NIBAN2: variants seen among roughly 807,000 people sequenced by gnomAD.
NIBAN2 encodes the protein protein Niban 2.
In NIBAN2, 36 loss-of-function variants were observed where a neutral mutation model predicts 81.8. The ratio of observed to expected loss-of-function variants is 0.44; its 90% CI spans 0.34 to 0.58. NIBAN2 has a LOEUF of 0.58. Among genes scored for constraint, NIBAN2 ranks in the 20% least tolerant of loss-of-function variants. NIBAN2 has a pLI of 0.02. For synonymous variants in NIBAN2, 445 were observed against 441.6 expected (o/e 1.01, Z -0.10); for missense variants, 897 against 1,014.1 (o/e 0.88, Z 1.57).
intron 8 of NIBAN2, among the ~76,000 whole-genome samples, chr9:127,515,197 G>A (rs1836802006): frequency 6.6e-6 from 1 of 152,054 alleles, no homozygotes; most frequent in South Asian, 2.1e-4. Context: ...TCTCTACCTG[G>A]AAGACAGAGC....
chr9:127,530,861 G>T (rs1350237979), intron 2 of NIBAN2, among the ~76,000 whole-genome samples: 1 of 152,054 alleles, frequency 6.6e-6, no homozygotes, highest in South Asian at 2.1e-4. Context: ...TCAACAACAC[G>T]ACCTGGGTTA....
In NIBAN2 at chr9:127,514,892, G is replaced by A. The variant is rs530627677; in HGVS notation, c.973+1965C>T. 4.9e-4 allele frequency among the ~76,000 whole-genome samples: 74 copies of A among 152,272 alleles called. 1 individual carries two copies. The highest frequency in any genetic ancestry group is 1.2e-3 in the African/African-American group (48 of 41,544). The stretch of plus-strand genomic sequence containing the variant: ...GAATAACCTACAGGAGACCAGGCAC[G>A]GCCACTCATGCCTGTAATCCCAGTG... On this transcript the variant is annotated intron_variant, in intron 8 of 13. Coordinates refer to ENST00000373312, the MANE Select transcript of NIBAN2 (RefSeq NM_022833.4).
intron 1 of NIBAN2, among the ~76,000 whole-genome samples, chr9:127,546,853 A>G (rs554909903): frequency 6.6e-6 from 1 of 151,990 alleles, no homozygotes; most frequent in South Asian, 2.1e-4. Flanking sequence ...AGGAGCCCCA[A>G]CTGGGAGAAG....
In NIBAN2 at chr9:127,507,363, C is replaced by T. The variant is rs947716661; in HGVS notation, c.1723G>A (p.Asp575Asn). ...TCGGCCAGCAGGTGCAGGTTGGGGT[C>T]GCTGTTGTGCATGACCATGCTGTCC... is the stretch of plus-strand genomic sequence containing the variant. Reference protein sequence around the residue: ...YRDSMVMHNSDPNLHLLAEGA... With the variant: ...YRDSMVMHNSNPNLHLLAEGA... The change falls in exon 14 of 14, where the codon GAC (aspartate) becomes AAC (asparagine). Residue 575 changes from aspartate to asparagine, a missense_variant. Transcript: ENST00000373312. This position sits in a 1 kb window ranked among gnomAD's most constrained non-coding sequence, Gnocchi z 6.8. 8 of 1,535,960 alleles carry T rather than the reference C, an allele frequency of 5.2e-6. No homozygotes were observed. The East Asian group carries it at 1.1e-4, about 22-fold the overall frequency.
At position 127,508,463 on chromosome 9, in the gene NIBAN2, G is replaced by A. The variant is rs764925522; in HGVS notation, c.1393C>T (p.Leu465=). 1.9e-6 allele frequency: 3 copies of A among 1,613,606 alleles called. No homozygotes were observed. The highest frequency in any genetic ancestry group is 1.7e-6 in the Non-Finnish European group (2 of 1,179,988). The part of the protein sequence containing the change: ...ELGKGPTKEE[L]CKSIQRVLER... ...AGGACCCGCTGGATGGACTTGCACA[G>A]CTCCTCCTTGGTGGGCCCCTTCCCC... The change falls in exon 11 of 14, where the codon CTG becomes TTG. Residue 465 remains leucine (L), a synonymous_variant. Coordinates refer to ENST00000373312, the MANE Select transcript of NIBAN2 (RefSeq NM_022833.4). The surrounding 1 kb of genome is among the most constrained non-coding windows in gnomAD (Gnocchi z 6.4).
chr9:127,509,267 C>T (rs1056709620), intron 9 of NIBAN2, 136 bp from the exon 10 acceptor site: 1 of 805,784 alleles, frequency 1.2e-6, no homozygotes, highest in Admixed American at 2.9e-5. Flanking sequence ...ACCTGGTGCT[C>T]ATGGCCACAA....
At chr9:127,531,063 C>A (rs1337953006) in intron 2 of NIBAN2, among the ~76,000 whole-genome samples, 1 of 151,682 alleles carries the variant, frequency 6.6e-6, no homozygotes, top group Admixed American at 6.6e-5. Context: ...ACCTGTAGTC[C>A]CAGTAACTGG....
chr9:127,526,408 A>AG (rs1183698873), intron 3 of NIBAN2, among the ~76,000 whole-genome samples: 2 of 151,174 alleles, frequency 1.3e-5, no homozygotes, highest in Non-Finnish European at 3.0e-5. Flanking sequence ...CAAAAAAAAA[A>AG]AAAAAAAGAA....
intron 9 of NIBAN2, 64 bp downstream of exon 9, chr9:127,510,082 G>C: frequency 6.9e-7 from 1 of 1,452,560 alleles, no homozygotes; most frequent in Non-Finnish European, 9.3e-7. Flanking sequence ...CGCAGCCGGG[G>C]CCCTCTGGGA....
chr9:127,557,653 CT>C (rs773895291), intron 1 of NIBAN2, among the ~76,000 whole-genome samples: 2 of 152,250 alleles, frequency 1.3e-5, no homozygotes, highest in African/African-American at 4.8e-5. Context: ...GCTGGGCAGC[CT>C]GCTAAAGTCA....
At chr9:127,546,752 C>T (rs1837478735) in intron 1 of NIBAN2, among the ~76,000 whole-genome samples, 1 of 152,108 alleles carries the variant, frequency 6.6e-6, no homozygotes, top group African/African-American at 2.4e-5. Flanking sequence ...ATGTTGCTCT[C>T]ACTCATTCAT....
At position 127,506,596 on chromosome 9, in the gene NIBAN2, C is replaced by A. The variant is rs1469280018; in HGVS notation, c.*249G>T. The A allele has an allele frequency of 4.9e-6, 2 of 411,402 alleles. No homozygotes were observed. Among genetic ancestry groups the A allele is most frequent in the Non-Finnish European group, 8.6e-6 (2 of 232,664 alleles). The allele number at this position is 411,402 out of a possible 1,614,324, so 25.5% of individuals were successfully genotyped here. A position where few individuals can be genotyped will look rare whatever the true frequency, so the allele number is the denominator to read the frequency against. ...CCCCAGCAGTGTCCAGCCCTTGGCACAAGCAGGAAAACCCCAAAACCAGCC... is the reference window on the plus strand; with the variant it reads ...CCCCAGCAGTGTCCAGCCCTTGGCAAAAGCAGGAAAACCCCAAAACCAGCC... On this transcript the variant is annotated 3_prime_UTR_variant, in exon 14 of 14. Transcript: ENST00000373312.
chr9:127,575,778 C>A (rs893184085), intron 1 of NIBAN2, among the ~76,000 whole-genome samples: 3 of 152,128 alleles, frequency 2.0e-5, no homozygotes, highest in Non-Finnish European at 4.4e-5. Context: ...GATCCGCCCG[C>A]CTTGGCTCCC....
intron 8 of NIBAN2, among the ~76,000 whole-genome samples, chr9:127,512,187 C>T (rs1836749652): frequency 6.6e-6 from 1 of 152,156 alleles, no homozygotes; most frequent in Non-Finnish European, 1.5e-5. Context: ...CTATTTGTCT[C>T]TTTTCTTCCT....
In NIBAN2 at chr9:127,508,577, G is replaced by A; in HGVS notation, c.1318-39C>T. 1.3e-6 allele frequency: 2 copies of A among 1,541,264 alleles called. No homozygotes were observed. Among genetic ancestry groups the A allele is most frequent in the Non-Finnish European group, 1.8e-6 (2 of 1,116,046 alleles). On this transcript the variant is annotated intron_variant, in intron 10 of 13. Transcript: ENST00000373312. This position sits in a 1 kb window ranked among gnomAD's most constrained non-coding sequence, Gnocchi z 6.4. ...CGCGGACATGTGAAGCCCCCAGGGT[G>A]ACCACAGCCCCTTCCTGGGTGCCGC...
chr9:127,515,419 G>A (rs1836808225), intron 8 of NIBAN2, among the ~76,000 whole-genome samples: 1 of 151,766 alleles, frequency 6.6e-6, no homozygotes, highest in Non-Finnish European at 1.5e-5. Flanking sequence ...TACTCAGGAG[G>A]CTGAGGCAGG....
chr9:127,572,274 A>T (rs572593661), upstream of NIBAN2, among the ~76,000 whole-genome samples: 1 of 152,230 alleles, frequency 6.6e-6, no homozygotes, highest in African/African-American at 2.4e-5. Flanking sequence ...TAAGCCTCCC[A>T]GAGTGCTGGG....
chr9:127,525,016 G>T, intron 4 of NIBAN2, 42 bp downstream of exon 4: 2 of 1,490,414 alleles, frequency 1.3e-6, no homozygotes, highest in African/African-American at 1.4e-5. Flanking sequence ...AGCTCCAGAT[G>T]CCTGTGCAGG....
At chr9:127,565,057 C>T (rs531858417) in intron 1 of NIBAN2, among the ~76,000 whole-genome samples, 1 of 152,220 alleles carries the variant, frequency 6.6e-6, no homozygotes, top group East Asian at 1.9e-4. Flanking sequence ...GTTACTTTTG[C>T]TCAGGCAATC....
Sources: gnomAD v4.1 joint callset for allele counts (sites outside exome capture counted in the v4.1 genomes callset) on GRCh38, gnomAD v4.1.1 for gene constraint, Gnocchi (gnomAD v3.1) non-coding constraint, MANE v1.5 for transcripts, NCBI Gene and HGNC (gene_info 2026-07-23, HGNC 2026-07-21) for gene names.